Variants in MCTP1 observed in about 807,000 individuals in gnomAD.
The protein encoded by MCTP1 is multiple C2 and transmembrane domain containing 1.
A neutral mutation model predicts 120.6 loss-of-function variants in MCTP1; 69 were observed. The ratio of observed to expected loss-of-function variants is 0.57; its 90% CI spans 0.47 to 0.70. The LOEUF is 0.70. Ranked by LOEUF, MCTP1 falls within the 30% of genes least tolerant of loss-of-function variation. MCTP1 has a pLI of 0.00. For missense variants in MCTP1, 1,203 were observed against 1,248.8 expected, an observed-to-expected ratio of 0.96 and a Z score of 0.55; for synonymous variants, 529 against 493.1, an observed-to-expected ratio of 1.07 and a Z score of -0.96.
chr5:95,171,079 T>G (rs1479366709), intron 1 of MCTP1, among the ~76,000 whole-genome samples: 1 of 152,206 alleles, frequency 6.6e-6, no homozygotes, highest in East Asian at 1.9e-4. Flanking sequence ...TAGTGCTTAT[T>G]TCAGGAGCTC....
intron 1 of MCTP1, among the ~76,000 whole-genome samples, chr5:95,049,648 T>C (rs1430588759): frequency 6.6e-6 from 1 of 152,356 alleles, no homozygotes; most frequent in African/African-American, 2.4e-5. Flanking sequence ...TTCTCTCACT[T>C]AGCCCTCTAT....
At chr5:95,256,723 T>C (rs548118903) in intron 1 of MCTP1, among the ~76,000 whole-genome samples, 2 of 151,840 alleles carry the variant, frequency 1.3e-5, no homozygotes, top group Middle Eastern at 3.4e-3. Context: ...GAAATGCAGC[T>C]AAAAAAAAGA....
At chr5:95,019,309 A>G (rs1457750845) in intron 1 of MCTP1, among the ~76,000 whole-genome samples, 1 of 152,004 alleles carries the variant, frequency 6.6e-6, no homozygotes, top group Non-Finnish European at 1.5e-5. Flanking sequence ...AGCGAATTTC[A>G]AGTATACAAT....
intron 1 of MCTP1, chr5:95,081,678 C>T (rs1582205397): frequency 9.2e-6 from 12 of 1,308,698 alleles, no homozygotes; most frequent in Non-Finnish European, 1.2e-5. Context: ...GTTTAAATAA[C>T]GTAGCTTTAG....
rs889933947 is a variant in MCTP1, at chr5:95,229,379, G to A, written c.720+54477C>T. On this transcript the variant is annotated intron_variant, in intron 1 of 22. Transcript: ENST00000515393. Reference sequence around the variant, plus strand: ...TAGTTTTCTACTAAAATCTTGGACAGTATATCTACAATTTCTCCTCTAAGA... The same window carrying A: ...TAGTTTTCTACTAAAATCTTGGACAATATATCTACAATTTCTCCTCTAAGA... Among the ~76,000 whole-genome samples the A allele has an allele frequency of 3.3e-5, 5 of 152,162 alleles. No individual in the cohort carries two copies. In the East Asian group the frequency reaches 9.6e-4, roughly 29 times the overall value.
intron 9 of MCTP1, among the ~76,000 whole-genome samples, chr5:94,912,088 A>G (rs1469199131): frequency 6.6e-6 from 1 of 152,164 alleles, no homozygotes; most frequent in African/African-American, 2.4e-5. Context: ...TAAAGTGTAT[A>G]AGAGTAACAT....
chr5:94,921,283 C>A (rs1043954166), intron 7 of MCTP1, among the ~76,000 whole-genome samples: 1 of 152,220 alleles, frequency 6.6e-6, no homozygotes, highest in African/African-American at 2.4e-5. Context: ...TGATGAATAA[C>A]AAATGTTATG....
chr5:94,790,953 T>G (rs1778761640), intron 18 of MCTP1, among the ~76,000 whole-genome samples: 1 of 151,832 alleles, frequency 6.6e-6, no homozygotes, highest in Non-Finnish European at 1.5e-5. Context: ...TCTTTAGGAT[T>G]TTCTTTATAG....
chr5:94,804,736 C>T lies in MCTP1; in HGVS notation c.2437-5604G>A, dbSNP rs181855166. 4.3e-3 allele frequency among the ~76,000 whole-genome samples: 655 copies of T among 152,272 alleles called. 2 individuals carry two copies. Among genetic ancestry groups the T allele is most frequent in the Non-Finnish European group, 6.5e-3 (441 of 68,030 alleles). On this transcript the variant is annotated intron_variant, in intron 17 of 22. Transcript: ENST00000515393. ...TACAGGCGTGAGCCACCACACCAGG[C>T]CTATGCTTTTCAAATTATAAATTAA...
At chr5:95,245,961 A>G (rs1364309977) in intron 1 of MCTP1, among the ~76,000 whole-genome samples, 1 of 152,246 alleles carries the variant, frequency 6.6e-6, no homozygotes, top group East Asian at 1.9e-4. Flanking sequence ...AGGGAAGCCC[A>G]TCAGACTAAC....
At chr5:94,973,373 A>G (rs537309769) in intron 2 of MCTP1, among the ~76,000 whole-genome samples, 2 of 152,316 alleles carry the variant, frequency 1.3e-5, no homozygotes, top group East Asian at 3.9e-4. Context: ...ATGAGAGACA[A>G]GATTGTATAC....
At chr5:95,089,568 T>A (rs1755691044) in intron 1 of MCTP1, among the ~76,000 whole-genome samples, 1 of 152,240 alleles carries the variant, frequency 6.6e-6, no homozygotes, top group Non-Finnish European at 1.5e-5. Flanking sequence ...CGAAGTTTTC[T>A]ATTTAAATAG....
chr5:95,098,352 T>A (rs1261468054), intron 1 of MCTP1, among the ~76,000 whole-genome samples: 1 of 152,234 alleles, frequency 6.6e-6, no homozygotes, highest in African/African-American at 2.4e-5. Flanking sequence ...CTGTATGCAA[T>A]CTTGATGTGT....
intron 1 of MCTP1, among the ~76,000 whole-genome samples, chr5:95,039,623 T>A (rs951501146): frequency 1.4e-4 from 21 of 152,100 alleles, no homozygotes; most frequent in African/African-American, 4.6e-4. Context: ...AGTAAACAAG[T>A]CTGTGATAGA....
intron 17 of MCTP1, among the ~76,000 whole-genome samples, chr5:94,816,277 T>C (rs1784458883): frequency 6.6e-6 from 1 of 152,214 alleles, no homozygotes; most frequent in African/African-American, 2.4e-5. Flanking sequence ...TATTTATCTG[T>C]ACTTTTATTC....
intron 19 of MCTP1, among the ~76,000 whole-genome samples, chr5:94,735,812 T>C (rs961501705): frequency 7.9e-5 from 12 of 152,196 alleles, no homozygotes; most frequent in African/African-American, 2.7e-4. Flanking sequence ...ATCTGTGCAT[T>C]ATATCTAAGG....
At chr5:94,715,155 C>T (rs147961000) in intron 19 of MCTP1, among the ~76,000 whole-genome samples, 2,543 of 151,926 alleles carry the variant, frequency 0.017, 29 homozygotes, top group Non-Finnish European at 0.026. Flanking sequence ...GCAGAAGAAA[C>T]ATTTTGGGGA....
intron 17 of MCTP1, among the ~76,000 whole-genome samples, chr5:94,828,559 C>T (rs1315232873): frequency 6.6e-6 from 1 of 152,218 alleles, no homozygotes; most frequent in Non-Finnish European, 1.5e-5. Flanking sequence ...CCCACAGTCG[C>T]CCCTTCCCCC....
chr5:94,851,726 T>G (rs1793764845), intron 17 of MCTP1, among the ~76,000 whole-genome samples: 1 of 152,028 alleles, frequency 6.6e-6, no homozygotes, highest in South Asian at 2.1e-4. Context: ...AGAAAAGGCA[T>G]TTATTAGAAA....
Sources: allele counts gnomAD v4.1 joint callset (sites outside exome capture counted in the v4.1 genomes callset), GRCh38; gene constraint gnomAD v4.1.1; transcripts MANE v1.5; gene names NCBI Gene and HGNC (gene_info 2026-07-23, HGNC 2026-07-21).